Variants in SEC11A observed in about 807,000 individuals in gnomAD.
The protein encoded by SEC11A is SEC11 homolog A, signal peptidase complex subunit, also known as signal peptidase complex catalytic subunit SEC11A.
SEC11A carries 14 observed loss-of-function variants against 25.6 expected under a neutral mutation model. The observed-to-expected ratio is 0.55, with a 90% CI of 0.36 to 0.85. The LOEUF (loss-of-function observed/expected upper bound fraction) is 0.85, where lower values mean the gene tolerates loss of function less well. SEC11A is among the 40% of genes least tolerant of loss of function. The probability of loss-of-function intolerance (pLI) is 0.01; values close to 1 mark genes in which losing one functional copy is unlikely to be tolerated. For missense variants in SEC11A, 153 were observed against 222.9 expected (o/e 0.69, Z 2.00); for synonymous variants, 83 against 76.4 (o/e 1.09, Z -0.45).
At chr15:84,706,775 G>A (rs1898106854) in intron 1 of SEC11A, among the ~76,000 whole-genome samples, 1 of 152,246 alleles carries the variant, frequency 6.6e-6, no homozygotes, top group Non-Finnish European at 1.5e-5. Flanking sequence ...TAAGCTAGAA[G>A]TAGGTTTCCC....
chr15:84,670,831 G>C, intron 4 of SEC11A, 49 bp from the exon 5 acceptor site: 1 of 881,168 alleles, frequency 1.1e-6, no homozygotes, highest in Non-Finnish European at 1.7e-6. Flanking sequence ...ATGTAAAGCA[G>C]CTGTTGTCAC....
At position 84,670,014 on chromosome 15, in the gene SEC11A, G is replaced by C. The variant is rs751991735; in HGVS notation, c.*5C>G. 79 of 1,613,418 alleles carry C rather than the reference G, an allele frequency of 4.9e-5. No individual in the cohort carries two copies. Among genetic ancestry groups the C allele is most frequent in the Middle Eastern group, 1.6e-4 (1 of 6,082 alleles). On this transcript the variant is annotated 3_prime_UTR_variant, in exon 6 of 6. Coordinates refer to ENST00000268220, the MANE Select transcript of SEC11A (RefSeq NM_014300.4). ...CATCTTCCCAGGAACAGCAAGGCAG[G>C]CTTCTTACTCACGATGAACCAGCAC...
chr15:84,687,800 G>A, intron 2 of SEC11A, 26 bp from the exon 3 acceptor site: 3 of 1,562,448 alleles, frequency 1.9e-6, no homozygotes, highest in East Asian at 2.3e-5. Flanking sequence ...GAATATAACA[G>A]CAAAAAGAAA....
intron 4 of SEC11A, chr15:84,679,995 T>C: frequency 2.7e-6 from 4 of 1,463,950 alleles, no homozygotes; most frequent in Admixed American, 2.0e-5. Flanking sequence ...TTAATATAAC[T>C]TTTTAATTTC....
rs780135173 is a variant in SEC11A, at chr15:84,670,039, C to T, written c.520G>A (p.Val174Met). The change falls in exon 6 of 6, where the codon GTG (valine) becomes ATG (methionine). Residue 174 changes from valine (V) to methionine (M), a missense_variant. Val to Met is a conservative substitution (Grantham distance 21). Coordinates refer to ENST00000268220, the MANE Select transcript of SEC11A (RefSeq NM_014300.4). Reference sequence around the variant, plus strand: ...GCTTCTTACTCACGATGAACCAGCACGAATAAACCCAGCAAAAAGAGAACT... The same window carrying T: ...GCTTCTTACTCACGATGAACCAGCATGAATAAACCCAGCAAAAAGAGAACT... ...YAVLFLLGLF[V>M]LVHRE is the part of the protein sequence containing the mutation. The T allele has an allele frequency of 2.5e-6, 4 of 1,613,318 alleles. No individual in the cohort carries two copies. Among genetic ancestry groups the T allele is most frequent in the Non-Finnish European group, 2.5e-6 (3 of 1,179,696 alleles).
chr15:84,689,432 G>C (rs1207112689), intron 2 of SEC11A, among the ~76,000 whole-genome samples: 3 of 151,902 alleles, frequency 2.0e-5, no homozygotes, highest in Non-Finnish European at 4.4e-5. Context: ...GGTTAAAAAA[G>C]AGTAATCTAA....
intron 4 of SEC11A, among the ~76,000 whole-genome samples, chr15:84,678,690 G>T (rs1170202976): frequency 1.3e-5 from 2 of 152,118 alleles, no homozygotes; most frequent in Non-Finnish European, 2.9e-5. Context: ...TTTTATGTTT[G>T]TATAAATATG....
intron 1 of SEC11A, among the ~76,000 whole-genome samples, chr15:84,699,371 C>A (rs190570418): frequency 1.1e-4 from 17 of 151,288 alleles, no homozygotes; most frequent in African/African-American, 3.9e-4. Flanking sequence ...GCTGTTCTAG[C>A]CAAAATGAGT....
intron 1 of SEC11A, among the ~76,000 whole-genome samples, chr15:84,702,074 T>A (rs1237810650): frequency 1.3e-5 from 2 of 150,088 alleles, no homozygotes; most frequent in African/African-American, 4.9e-5. Flanking sequence ...TCAATAACAA[T>A]GATAATAATA....
chr15:84,673,901 C>G (rs1320932987), intron 4 of SEC11A: 2 of 151,894 alleles, frequency 1.3e-5, no homozygotes, highest in African/African-American at 4.8e-5. Context: ...GGGTGAGACT[C>G]TGTCTCAAAA....
At chr15:84,698,444 G>T (rs762852626) in intron 1 of SEC11A, among the ~76,000 whole-genome samples, 11 of 152,132 alleles carry the variant, frequency 7.2e-5, no homozygotes, top group Non-Finnish European at 1.2e-4. Context: ...CATGAAAGGA[G>T]AAATCAGAAG....
intron 1 of SEC11A, among the ~76,000 whole-genome samples, chr15:84,710,822 A>G (rs1898238514): frequency 6.6e-6 from 1 of 152,126 alleles, no homozygotes; most frequent in East Asian, 1.9e-4. Flanking sequence ...TGAAAAACAC[A>G]CATATCTTTG....
rs538170339 is a variant in SEC11A, at chr15:84,679,064, A to G, written c.431+1649T>C. ...CTACACACAAAGGCTAATATAAACC[A>G]AAAAGTTAATAGTAAATATTTATGG... On this transcript the variant is annotated intron_variant, in intron 4 of 5. Coordinates refer to ENST00000268220, the MANE Select transcript of SEC11A (RefSeq NM_014300.4). 2.0e-5 allele frequency among the ~76,000 whole-genome samples: 3 copies of G among 152,224 alleles called. No homozygotes were observed. In the South Asian group the frequency reaches 6.2e-4, roughly 32 times the overall value.
At chr15:84,693,651 G>C (rs914533594) in intron 1 of SEC11A, among the ~76,000 whole-genome samples, 2 of 151,752 alleles carry the variant, frequency 1.3e-5, no homozygotes, top group African/African-American at 2.4e-5. Context: ...AGTAGAGACG[G>C]GGTTTCACCA....
chr15:84,690,564 T>A (rs899596182), intron 2 of SEC11A, among the ~76,000 whole-genome samples: 4 of 151,992 alleles, frequency 2.6e-5, no homozygotes, highest in South Asian at 2.1e-4. Context: ...CTGCAGTGAG[T>A]TATGACGGCG....
chr15:84,699,698 G>A (rs1312456998), intron 1 of SEC11A, among the ~76,000 whole-genome samples: 1 of 152,068 alleles, frequency 6.6e-6, no homozygotes, highest in East Asian at 1.9e-4. Context: ...GCAGAGGCAG[G>A]AGGATAGCTT....
intron 1 of SEC11A, among the ~76,000 whole-genome samples, chr15:84,715,745 G>A (rs1898442455): frequency 6.6e-6 from 1 of 152,184 alleles, no homozygotes; most frequent in Admixed American, 6.5e-5. Flanking sequence ...CCCACTTCAA[G>A]CGCGTACGGT....
intron 1 of SEC11A, among the ~76,000 whole-genome samples, chr15:84,706,548 C>A (rs1898099385): frequency 6.6e-6 from 1 of 152,208 alleles, no homozygotes; most frequent in Non-Finnish European, 1.5e-5. Flanking sequence ...GTCACCCCAT[C>A]AGGCAAGAAA....
intron 5 of SEC11A, chr15:84,670,508 G>A: frequency 3.1e-6 from 1 of 323,308 alleles, no homozygotes. Flanking sequence ...CAAAGTGCTG[G>A]GATTACAGGC....
Sources: allele counts gnomAD v4.1 joint callset (sites outside exome capture counted in the v4.1 genomes callset), GRCh38; gene constraint gnomAD v4.1.1; transcripts MANE v1.5; gene names NCBI Gene and HGNC (gene_info 2026-07-23, HGNC 2026-07-21).